EVI2B: variants seen among roughly 807,000 people sequenced by gnomAD.
The protein encoded by EVI2B is protein EVI2B.
In EVI2B, 4 loss-of-function variants were observed where a neutral mutation model predicts 6.6. That is an observed-to-expected ratio of 0.61 (90% CI 0.30 to 1.39). EVI2B has a LOEUF of 1.39. Among genes scored for constraint, EVI2B ranks in the 40% most tolerant of loss-of-function variants. The pLI is 0.08. For missense variants in EVI2B, 484 were observed against 516.6 expected (o/e 0.94, Z 0.61); for synonymous variants, 181 against 186.8 (o/e 0.97, Z 0.25).
chr17:31,306,486 C>T (rs2068724500), intron 1 of EVI2B, among the ~76,000 whole-genome samples: 1 of 152,118 alleles, frequency 6.6e-6, no homozygotes, highest in African/African-American at 2.4e-5. Flanking sequence ...TTTACCCTCA[C>T]AACTGACAAC....
Position 31,305,487 on chromosome 17 carries a change from C to CA in EVI2B, c.122dup (p.Met41IlefsTer7). The CA allele has an allele frequency of 1.9e-6, 3 of 1,614,136 alleles. No homozygotes were observed. The highest frequency in any genetic ancestry group is 2.5e-6 in the Non-Finnish European group (3 of 1,180,036). ...TTTGAGAATTAGCCAATACCTGTGACATTGATGATGTGAATAAGGTAGGCT... is the reference window on the plus strand; with the variant it reads ...TTTGAGAATTAGCCAATACCTGTGACAATTGATGATGTGAATAAGGTAGGCT... On this transcript the variant is annotated frameshift_variant, in exon 2 of 2. Coordinates refer to ENST00000330927, the MANE Select transcript of EVI2B (RefSeq NM_006495.4). LOFTEE classifies it low-confidence loss of function (END_TRUNC).
In EVI2B at chr17:31,304,309, T is replaced by A. The variant is rs1197644547; in HGVS notation, c.1301A>T (p.Gln434Leu). The change falls in exon 2 of 2, where the codon CAA (glutamine) becomes CTA (leucine). Residue 434 changes from glutamine (Q) to leucine (L), a missense_variant. Coordinates refer to ENST00000330927, the MANE Select transcript of EVI2B (RefSeq NM_006495.4). ...QEFSIPPNSD[Q>L]DLNESLPPPP... ...AGGTGGCAGGGATTCATTAAGATCTTGATCAGAGTTGGGAGGAATAGAGAA... is the reference window on the plus strand; with the variant it reads ...AGGTGGCAGGGATTCATTAAGATCTAGATCAGAGTTGGGAGGAATAGAGAA... 1 of 1,613,816 alleles carries A rather than the reference T, an allele frequency of 6.2e-7. No individual in the cohort carries two copies. The highest frequency in any genetic ancestry group is 1.3e-5 in the African/African-American group (1 of 75,032).
At chr17:31,308,577 G>A (rs1306805328) in intron 1 of EVI2B, among the ~76,000 whole-genome samples, 1 of 151,986 alleles carries the variant, frequency 6.6e-6, no homozygotes, top group African/African-American at 2.4e-5. Context: ...CTAAACACAC[G>A]ATTTTTCCCT....
Position 31,306,645 on chromosome 17 carries a change from C to G in EVI2B, c.-21-1015G>C, listed in dbSNP as rs2068729197. ...TTGCATATTTTTAAAGAATTTCATT[C>G]AACTCAGAGTCTTAGGCTTAAAATC... On this transcript the variant is annotated intron_variant, in intron 1 of 1. Coordinates refer to ENST00000330927, the MANE Select transcript of EVI2B (RefSeq NM_006495.4). 2.0e-5 allele frequency among the ~76,000 whole-genome samples: 3 copies of G among 152,062 alleles called. No homozygotes were observed. In the South Asian group the frequency reaches 6.2e-4, roughly 31 times the overall value.
At chr17:31,308,829 A>G (rs2068798337) in intron 1 of EVI2B, among the ~76,000 whole-genome samples, 1 of 152,130 alleles carries the variant, frequency 6.6e-6, no homozygotes, top group South Asian at 2.1e-4. Context: ...ATGGTTCCTT[A>G]CATAATTCAT....
chr17:31,311,522 C>A (rs775850259), intron 1 of EVI2B, among the ~76,000 whole-genome samples: 4 of 152,136 alleles, frequency 2.6e-5, no homozygotes, highest in African/African-American at 9.7e-5. Flanking sequence ...AAAGAAAAAA[C>A]CAGCCATTCT....
chr17:31,312,573 G>A (rs1413297033), intron 1 of EVI2B, among the ~76,000 whole-genome samples: 2 of 150,554 alleles, frequency 1.3e-5, no homozygotes, highest in African/African-American at 4.9e-5. Context: ...CATAAGGATC[G>A]ATGGGAAATT....
chr17:31,305,841 A>G (rs1567885521), intron 1 of EVI2B, among the ~76,000 whole-genome samples: 1 of 152,202 alleles, frequency 6.6e-6, no homozygotes, highest in Non-Finnish European at 1.5e-5. Context: ...CCCATCATAC[A>G]GCATTTGGAC....
chr17:31,306,769 G>A (rs577339454), intron 1 of EVI2B, among the ~76,000 whole-genome samples: 19 of 151,194 alleles, frequency 1.3e-4, no homozygotes, highest in African/African-American at 3.6e-4. Context: ...CCACATTTGT[G>A]TGGAGCTCTG....
intron 1 of EVI2B, among the ~76,000 whole-genome samples, chr17:31,309,340 T>C (rs1161643307): frequency 6.6e-6 from 1 of 152,198 alleles, no homozygotes; most frequent in Admixed American, 6.5e-5. Context: ...TACCAGAAAA[T>C]AAGCAGAGGC....
Position 31,304,676 on chromosome 17 carries a change from G to C in EVI2B, c.934C>G (p.Gln312Glu), listed in dbSNP as rs755209854. Residue 312 changes from glutamine (Q) to glutamate (E), a missense_variant, in exon 2 of 2, where the codon CAA (glutamine) becomes GAA (glutamate). Physicochemically the swap from Gln to Glu is conservative, Grantham distance 29. Transcript: ENST00000330927. ...NNPKTEKIKD[Q>E]VNGTSEDSAD... ...CTATCTTCTGATGTACCATTTACTT[G>C]ATCTTTTATTTTCTCTGTTTTGGGG... 4 of 1,613,962 alleles carry C rather than the reference G, an allele frequency of 2.5e-6. No homozygotes were observed. In the South Asian group the frequency reaches 3.3e-5, roughly 13 times the overall value.
chr17:31,308,681 G>A (rs1187459187), intron 1 of EVI2B, among the ~76,000 whole-genome samples: 1 of 151,474 alleles, frequency 6.6e-6, no homozygotes, highest in Non-Finnish European at 1.5e-5. Context: ...CCCCTTTCTG[G>A]CTGCATATCT....
rs111852611 is a variant in EVI2B, at chr17:31,313,467, G to T, written c.-22+512C>A. ...TCCTGTAATCCCAGCACTTTGGGAG[G>T]CGGAGGTAAGCGGATCACCCAAGGT... On this transcript the variant is annotated intron_variant, in intron 1 of 1. Transcript: ENST00000330927. Among the ~76,000 whole-genome samples, 4 of 152,100 alleles carry T rather than the reference G, an allele frequency of 2.6e-5. No homozygotes were observed. The South Asian group carries it at 8.3e-4, about 31-fold the overall frequency.
In EVI2B at chr17:31,305,440, C is replaced by G. The variant is rs760956267; in HGVS notation, c.170G>C (p.Gly57Ala). ...NSQNTTGNPL[G>A]QPTQFSDTFS... ...AGTGTCGCTGAATTGTGTTGGTTGA[C>G]CCAAAGGATTCCCTGTTGTGTTTTG... The change falls in exon 2 of 2, where the codon GGT becomes GCT. Residue 57 changes from glycine to alanine, a missense_variant. Coordinates refer to ENST00000330927, the MANE Select transcript of EVI2B (RefSeq NM_006495.4). The G allele has an allele frequency of 6.2e-7, 1 of 1,614,120 alleles. No homozygotes were observed. Among genetic ancestry groups the G allele is most frequent in the East Asian group, 2.2e-5 (1 of 44,880 alleles).
chr17:31,309,523 T>G (rs1169419895), intron 1 of EVI2B, among the ~76,000 whole-genome samples: 1 of 152,212 alleles, frequency 6.6e-6, no homozygotes, highest in Non-Finnish European at 1.5e-5. Flanking sequence ...GCGGGGGGAC[T>G]TCTTTAGAAA....
chr17:31,308,232 G>A (rs1195444147), intron 1 of EVI2B, among the ~76,000 whole-genome samples: 3 of 151,916 alleles, frequency 2.0e-5, no homozygotes, highest in South Asian at 2.1e-4. Context: ...CTACATCCTG[G>A]GTTCAAGCGA....
At position 31,304,991 on chromosome 17, in the gene EVI2B, G is replaced by A; in HGVS notation, c.619C>T (p.Leu207=). The part of the protein sequence containing the change: ...KNNYNSIAAI[L]IGVLLTSMLV... ...ATAGAAGTCAGAAGTACACCAATTA[G>A]TATGGCAGCTATTGAATTATAATTG... The change falls in exon 2 of 2, where the codon CTA becomes TTA. Residue 207 remains leucine, a synonymous_variant. Coordinates refer to ENST00000330927, the MANE Select transcript of EVI2B (RefSeq NM_006495.4). The A allele has an allele frequency of 1.2e-6, 2 of 1,614,152 alleles. No homozygotes were observed. Among genetic ancestry groups the A allele is most frequent in the African/African-American group, 1.3e-5 (1 of 75,030 alleles).
At chr17:31,313,578 C>T (rs759375768) in intron 1 of EVI2B, among the ~76,000 whole-genome samples, 6 of 151,570 alleles carry the variant, frequency 4.0e-5, no homozygotes, top group Non-Finnish European at 8.8e-5. Context: ...TGGTGGTGGG[C>T]GCCTGTAATC....
rs576969125 is a variant in EVI2B at position 31,305,557 on chromosome 17, G to A, written c.53C>T (p.Thr18Ile). 28 of 1,614,106 alleles carry A rather than the reference G, an allele frequency of 1.7e-5. No individual in the cohort carries two copies. In the South Asian group the frequency reaches 1.8e-4, roughly 10 times the overall value. ...AATTGTCTCTGTCTTTGAAAAAAAT[G>A]TATTGTTCAGGTGTCCACAAAACAA... ...LILFCGHLNN[T>I]FFSKTETITT... The change falls in exon 2 of 2, where the codon ACA (threonine) becomes ATA (isoleucine). Residue 18 changes from threonine (T) to isoleucine (I), a missense_variant. Coordinates refer to ENST00000330927, the MANE Select transcript of EVI2B (RefSeq NM_006495.4).
Sources: allele counts gnomAD v4.1 joint callset (sites outside exome capture counted in the v4.1 genomes callset), GRCh38; gene constraint gnomAD v4.1.1; transcripts MANE v1.5; gene names NCBI Gene and HGNC (gene_info 2026-07-23, HGNC 2026-07-21).